Variants in CLASP2 observed in about 807,000 individuals in gnomAD.
CLASP2 encodes CLIP-associating protein 2.
In CLASP2, 47 loss-of-function variants were observed where a neutral mutation model predicts 194.4. That is an observed-to-expected ratio of 0.24 (90% CI 0.19 to 0.31). CLASP2 has a LOEUF of 0.31. CLASP2 is among the 10% of genes least tolerant of loss of function. The probability of loss-of-function intolerance (pLI) is 1.00; values close to 1 mark genes in which losing one functional copy is unlikely to be tolerated. For missense variants in CLASP2, 1,445 were observed against 1,823.6 expected (o/e 0.79, Z 3.78); for synonymous variants, 619 against 633.5 (o/e 0.98, Z 0.34).
intron 9 of CLASP2, among the ~76,000 whole-genome samples, chr3:33,628,661 T>C (rs1393790859): frequency 1.3e-5 from 2 of 151,998 alleles, no homozygotes; most frequent in Non-Finnish European, 2.9e-5. Flanking sequence ...AAAGGGGGTG[T>C]CAGGTAAACA....
At chr3:33,680,292 T>A (rs148787559) in intron 6 of CLASP2, among the ~76,000 whole-genome samples, 1 of 152,282 alleles carries the variant, frequency 6.6e-6, no homozygotes, top group Non-Finnish European at 1.5e-5. Flanking sequence ...TCATTGTACA[T>A]CTGTCCAAAC....
chr3:33,524,257 A>C (rs1241663774), intron 34 of CLASP2, among the ~76,000 whole-genome samples: 2 of 152,156 alleles, frequency 1.3e-5, no homozygotes, highest in African/African-American at 4.8e-5. Flanking sequence ...CAATAATAGT[A>C]AAACTATTAC....
chr3:33,657,185 G>GTT (rs917376186), intron 7 of CLASP2, among the ~76,000 whole-genome samples: 1 of 152,044 alleles, frequency 6.6e-6, no homozygotes, highest in African/African-American at 2.4e-5. Flanking sequence ...ATATGTTCAT[G>GTT]TTTTATATGT....
intron 6 of CLASP2, among the ~76,000 whole-genome samples, chr3:33,670,729 A>G (rs1028993565): frequency 2.0e-5 from 3 of 152,196 alleles, no homozygotes; most frequent in Admixed American, 2.0e-4. Flanking sequence ...TTGGTGGAGG[A>G]TCAGAGTGGA....
chr3:33,694,983 G>A lies in CLASP2; in HGVS notation c.274+1872C>T, dbSNP rs889060406. On this transcript the variant is annotated intron_variant, in intron 2 of 38. Coordinates refer to ENST00000682230, the MANE Select transcript of CLASP2 (RefSeq NM_001365631.1). ...AGGAAGGAAAGAAAATAAAGAGACA[G>A]ACAGAGACAGTGAGAGAAAGAAAGA... 2.7e-5 allele frequency among the ~76,000 whole-genome samples: 4 copies of A among 150,498 alleles called. No individual in the cohort carries two copies. In the East Asian group the frequency reaches 7.8e-4, roughly 29 times the overall value.
chr3:33,638,560 C>G (rs2080664305), intron 8 of CLASP2, among the ~76,000 whole-genome samples: 3 of 152,172 alleles, frequency 2.0e-5, no homozygotes, highest in Admixed American at 2.0e-4. Flanking sequence ...CCCGCCTAGG[C>G]CTCCCAAAGT....
chr3:33,634,922 A>C (rs1559474424), intron 8 of CLASP2, among the ~76,000 whole-genome samples: 1 of 152,166 alleles, frequency 6.6e-6, no homozygotes. Context: ...AAAGAGTGAA[A>C]AAATTTGGGA....
chr3:33,599,419 G>A (rs147834088), intron 18 of CLASP2, among the ~76,000 whole-genome samples: 27 of 152,134 alleles, frequency 1.8e-4, no homozygotes, highest in African/African-American at 5.8e-4. Flanking sequence ...TCACTGTGCC[G>A]GCCTCTCTGC....
intron 6 of CLASP2, among the ~76,000 whole-genome samples, chr3:33,684,072 C>T (rs942640722): frequency 1.3e-5 from 2 of 151,560 alleles, no homozygotes; most frequent in Non-Finnish European, 2.9e-5. Context: ...GGAAAAACCC[C>T]GTCTCTACTA....
chr3:33,588,921 A>G (rs769891940), intron 21 of CLASP2, among the ~76,000 whole-genome samples: 17 of 152,176 alleles, frequency 1.1e-4, no homozygotes, highest in Admixed American at 6.5e-5. Context: ...CAAAAGCAGT[A>G]CATTTAGTTG....
intron 26 of CLASP2, among the ~76,000 whole-genome samples, chr3:33,569,645 T>C (rs556616680): frequency 6.6e-6 from 1 of 152,282 alleles, no homozygotes; most frequent in South Asian, 2.1e-4. Flanking sequence ...CTTTAAAAGA[T>C]TTTAGTAAAC....
intron 12 of CLASP2, among the ~76,000 whole-genome samples, chr3:33,618,156 C>T (rs1236339643): frequency 2.0e-5 from 3 of 151,494 alleles, no homozygotes; most frequent in South Asian, 4.2e-4. Flanking sequence ...TCATGTTGGT[C>T]GGGCTGGTCT....
At chr3:33,654,186 C>T (rs1407354389) in intron 7 of CLASP2, among the ~76,000 whole-genome samples, 2 of 152,130 alleles carry the variant, frequency 1.3e-5, no homozygotes, top group Non-Finnish European at 2.9e-5. Context: ...CCAGAAAGTA[C>T]AGGGATGAGC....
chr3:33,603,932 T>C (rs943957745), intron 17 of CLASP2, among the ~76,000 whole-genome samples: 19 of 152,124 alleles, frequency 1.2e-4, no homozygotes, highest in African/African-American at 4.1e-4. Context: ...AATGAAACAA[T>C]TGAAAACAGA....
At chr3:33,522,639 T>C (rs2053451954) in intron 34 of CLASP2, among the ~76,000 whole-genome samples, 1 of 152,132 alleles carries the variant, frequency 6.6e-6, no homozygotes, top group Non-Finnish European at 1.5e-5. Flanking sequence ...GTCTTAAAGA[T>C]GCTCTAAGAA....
At chr3:33,662,030 A>G (rs1374704460) in intron 7 of CLASP2, among the ~76,000 whole-genome samples, 2 of 152,208 alleles carry the variant, frequency 1.3e-5, no homozygotes, top group African/African-American at 4.8e-5. Context: ...GTAATCATCA[A>G]TGCAAACAAT....
rs115643461 is a variant in CLASP2 at position 33,501,995 on chromosome 3, A to T, written c.4318-227T>A. 4.5e-3 allele frequency: 1,757 copies of T among 388,980 alleles called. 7 individuals carry two copies. The highest frequency in any genetic ancestry group is 0.018 in the Middle Eastern group (26 of 1,428). 24.1% of individuals were successfully genotyped at this position (388,980 alleles called of 1,614,324 possible). On this transcript the variant is annotated intron_variant, in intron 37 of 38. Transcript: ENST00000682230. ...TGTTAGCCCTCTATATCAGGTTCTT[A>T]CTTAGTCTGGAAAGCTGCACTTCTC...
intron 1 of CLASP2, among the ~76,000 whole-genome samples, chr3:33,717,510 T>C (rs1460534380): frequency 1.3e-5 from 2 of 152,040 alleles, no homozygotes; most frequent in Non-Finnish European, 2.9e-5. Flanking sequence ...CACTGCAACC[T>C]CTGCCTGCTA....
chr3:33,504,105 T>A (rs774286233), intron 37 of CLASP2: 1 of 152,228 alleles, frequency 6.6e-6, no homozygotes, highest in Non-Finnish European at 1.5e-5. Flanking sequence ...TTTGCAAGAA[T>A]GTTCTCCCAT....
Sources: gnomAD v4.1 joint callset for allele counts (sites outside exome capture counted in the v4.1 genomes callset) on GRCh38, gnomAD v4.1.1 for gene constraint, MANE v1.5 for transcripts, NCBI Gene and HGNC (gene_info 2026-07-23, HGNC 2026-07-21) for gene names.